Variants in VWA2 observed in about 807,000 individuals in gnomAD.
VWA2 encodes von Willebrand factor A domain containing 2, also known as von Willebrand factor A domain-containing protein 2.
A neutral mutation model predicts 70.4 loss-of-function variants in VWA2; 73 were observed. That is an observed-to-expected ratio of 1.04 (90% CI 0.86 to 1.26). The LOEUF (loss-of-function observed/expected upper bound fraction) is 1.26. VWA2 is among the 50% of genes most tolerant of loss of function. The pLI, the probability that VWA2 is intolerant of heterozygous loss-of-function variation, is 0.00. For synonymous variants in VWA2, 407 were observed against 423.3 expected (o/e 0.96, Z 0.47); for missense variants, 1,011 against 998.5 (o/e 1.01, Z -0.17).
At chr10:114,256,793 C>T (rs2037338092) in intron 4 of VWA2, among the ~76,000 whole-genome samples, 2 of 151,476 alleles carry the variant, frequency 1.3e-5, no homozygotes. Context: ...GCCTGTAGTC[C>T]CAGCTACTCG....
chr10:114,285,571 T>C (rs1476007859), intron 10 of VWA2, among the ~76,000 whole-genome samples: 2 of 152,236 alleles, frequency 1.3e-5, no homozygotes, highest in Admixed American at 6.5e-5. Context: ...AGCGTGGCTA[T>C]AGACCTCTGT....
At chr10:114,253,581 CT>C in intron 2 of VWA2, 69 bp from the exon 3 acceptor site, 1 of 1,380,240 alleles carries the variant, frequency 7.2e-7, no homozygotes, top group Non-Finnish European at 1.0e-6. Flanking sequence ...AGTCAAGTCA[CT>C]TAATGTGGAG....
chr10:114,245,959 T>C, intron 1 of VWA2: 1 of 460,480 alleles, frequency 2.2e-6, no homozygotes, highest in Non-Finnish European at 4.2e-6. Context: ...TTAGGTAGAA[T>C]CTGGTGGCAT....
At chr10:114,242,779 T>C (rs2036997324) in intron 1 of VWA2, among the ~76,000 whole-genome samples, 1 of 152,236 alleles carries the variant, frequency 6.6e-6, no homozygotes, top group African/African-American at 2.4e-5. Flanking sequence ...CCCTACAGAT[T>C]ATGGGTGTTG....
At chr10:114,273,915 C>CT (rs559403162) in intron 6 of VWA2, among the ~76,000 whole-genome samples, 58 of 152,206 alleles carry the variant, frequency 3.8e-4, no homozygotes, top group Middle Eastern at 6.8e-3. Flanking sequence ...GGGTAAGAGG[C>CT]TAAAGAATGA....
chr10:114,290,496 C>T, intron 13 of VWA2, 131 bp downstream of exon 13: 1 of 1,317,804 alleles, frequency 7.6e-7, no homozygotes, highest in East Asian at 2.6e-5. Flanking sequence ...GTCGTTTACC[C>T]ACGAAACATT....
At chr10:114,274,828 G>A (rs2037792730) in intron 6 of VWA2, among the ~76,000 whole-genome samples, 1 of 152,120 alleles carries the variant, frequency 6.6e-6, no homozygotes, top group Non-Finnish European at 1.5e-5. Context: ...GCAGAGCAGT[G>A]AGCGGCCGCC....
rs1255550280 is a variant in VWA2 at position 114,284,731 on chromosome 10, G to C, written c.890-132G>C. The C allele has an allele frequency of 1.3e-5, 10 of 794,100 alleles. 1 individual carries two copies. In the Admixed American group the frequency reaches 1.8e-4, roughly 15 times the overall value. 49.2% of individuals were successfully genotyped at this position (794,100 alleles called of 1,614,324 possible). A position where few individuals can be genotyped will look rare whatever the true frequency, so the allele number is the denominator to read the frequency against. On this transcript the variant is annotated intron_variant, in intron 9 of 13. Transcript: ENST00000392982. ...TTCCCCTCTCTGCTGCAGATTTCCT[G>C]GTGGACTGTGGGGGAAGGGAGGGGC...
At chr10:114,274,975 CAG>C (rs1368123926) in intron 6 of VWA2, among the ~76,000 whole-genome samples, 3 of 152,226 alleles carry the variant, frequency 2.0e-5, no homozygotes, top group East Asian at 3.9e-4. Context: ...CTGTTTCAGA[CAG>C]AGGAAGTTTG....
chr10:114,279,606 A>G (rs2037962247), intron 8 of VWA2, among the ~76,000 whole-genome samples: 1 of 152,170 alleles, frequency 6.6e-6, no homozygotes, highest in Non-Finnish European at 1.5e-5. Flanking sequence ...CCAGCCCCCT[A>G]CATAAGGGTC....
chr10:114,244,118 T>C (rs11596614), intron 1 of VWA2, among the ~76,000 whole-genome samples: 38,325 of 152,182 alleles, frequency 0.25, 5,124 homozygotes, highest in African/African-American at 0.33. Flanking sequence ...AACTACTTTG[T>C]AGGAAGCCAG....
At position 114,291,359 on chromosome 10, in the gene VWA2, C is replaced by A; in HGVS notation, c.*122C>A. On this transcript the variant is annotated 3_prime_UTR_variant, in exon 14 of 14. Coordinates refer to ENST00000392982, the MANE Select transcript of VWA2 (RefSeq NM_001272046.2). Reference sequence around the variant, plus strand: ...TCTGTGCCCCAGGTCCTTAGAATGTCTGCTTCCCGCCGTGGCCAGGACCAC... The same window carrying A: ...TCTGTGCCCCAGGTCCTTAGAATGTATGCTTCCCGCCGTGGCCAGGACCAC... The A allele has an allele frequency of 8.2e-7, 1 of 1,213,582 alleles. No homozygotes were observed. The highest frequency in any genetic ancestry group is 1.6e-5 in the South Asian group (1 of 63,338). The allele number at this position is 1,213,582 out of a possible 1,614,324, so 75.2% of individuals were successfully genotyped here. A position where few individuals can be genotyped will look rare whatever the true frequency, so the allele number is the denominator to read the frequency against.
chr10:114,252,933 C>T (rs1437333951), intron 2 of VWA2, among the ~76,000 whole-genome samples: 5 of 151,816 alleles, frequency 3.3e-5, no homozygotes, highest in Admixed American at 6.6e-5. Context: ...ACTTCCGTGA[C>T]CTGGCCGCTC....
intron 5 of VWA2, among the ~76,000 whole-genome samples, chr10:114,270,748 G>T (rs2037689391): frequency 6.6e-6 from 1 of 152,210 alleles, no homozygotes; most frequent in Admixed American, 6.5e-5. Context: ...ATCCAGCAGG[G>T]TGTGAGAGGA....
chr10:114,277,527 A>T (rs1262084127), intron 6 of VWA2, among the ~76,000 whole-genome samples: 1 of 151,862 alleles, frequency 6.6e-6, no homozygotes, highest in Non-Finnish European at 1.5e-5. Context: ...ACATCGCCTA[A>T]CCCTTTCTTC....
chr10:114,279,729 C>A (rs1468574260), intron 8 of VWA2, among the ~76,000 whole-genome samples: 1 of 152,198 alleles, frequency 6.6e-6, no homozygotes, highest in Admixed American at 6.5e-5. Context: ...TTTCTAAGTG[C>A]CTGCTCAGAG....
Sources: allele counts gnomAD v4.1 joint callset (sites outside exome capture counted in the v4.1 genomes callset), GRCh38; gene constraint gnomAD v4.1.1; transcripts MANE v1.5; gene names NCBI Gene and HGNC (gene_info 2026-07-23, HGNC 2026-07-21).